FNTB: variants seen among roughly 807,000 people sequenced by gnomAD.
FNTB encodes protein farnesyltransferase subunit beta.
A neutral mutation model predicts 59.4 loss-of-function variants in FNTB; 27 were observed. That is an observed-to-expected ratio of 0.45 (90% CI 0.34 to 0.63). The LOEUF is 0.63. FNTB is among the 20% of genes least tolerant of loss of function. The pLI is 0.02. For missense variants in FNTB, 449 were observed against 559.6 expected, an observed-to-expected ratio of 0.80 and a Z score of 1.99; for synonymous variants, 230 against 220.7, an observed-to-expected ratio of 1.04 and a Z score of -0.37.
At chr14:65,057,812 A>G (rs566882780) in intron 11 of FNTB, among the ~76,000 whole-genome samples, 2 of 152,292 alleles carry the variant, frequency 1.3e-5, no homozygotes, top group South Asian at 4.1e-4. Flanking sequence ...GAAGTCTACA[A>G]CCTTTCCTGC....
chr14:65,022,728 T>A (rs948453431), intron 4 of FNTB, among the ~76,000 whole-genome samples: 1 of 152,020 alleles, frequency 6.6e-6, no homozygotes. Flanking sequence ...CCCTTTGAGG[T>A]GGAAAATGGA....
At position 65,028,180 on chromosome 14, in the gene FNTB, GA is replaced by G. The variant is rs1190260340; in HGVS notation, c.605+400del. Among the ~76,000 whole-genome samples, 2 of 152,216 alleles carry G rather than the reference GA, an allele frequency of 1.3e-5. No homozygotes were observed. The highest frequency in any genetic ancestry group is 4.8e-5 in the African/African-American group (2 of 41,450). On this transcript the variant is annotated intron_variant, in intron 6 of 11. Coordinates refer to ENST00000246166, the MANE Select transcript of FNTB (RefSeq NM_002028.4). This position sits in a 1 kb window ranked among gnomAD's most constrained non-coding sequence, Gnocchi z 4.4. ...TTCTGAGTGAATTTGATGAAATCAT[GA>G]GAATGTCTAATCCCTGAGGTCCTCC...
rs1277385203 is a variant in FNTB, at chr14:65,044,442, A to G, written c.954A>G (p.Gln318=). The part of the protein sequence containing the change: ...LPLLHRALHA[Q]GDPALSMSHW... ...TGCTCCACCGCGCACTGCACGCCCA[A>G]GGTGAGCCTGGGGAGCTGTTCACTT... The change falls in exon 9 of 12, where the codon CAA becomes CAG. Residue 318 remains glutamine, a splice_region_variant and synonymous_variant. Coordinates refer to ENST00000246166, the MANE Select transcript of FNTB (RefSeq NM_002028.4). This position sits in a 1 kb window ranked among gnomAD's most constrained non-coding sequence, Gnocchi z 5.5. The G allele has an allele frequency of 6.2e-7, 1 of 1,606,410 alleles. No homozygotes were observed. Among genetic ancestry groups the G allele is most frequent in the South Asian group, 1.1e-5 (1 of 89,690 alleles).
chr14:65,055,216 G>GA (rs2062705657), intron 11 of FNTB, among the ~76,000 whole-genome samples: 2 of 152,150 alleles, frequency 1.3e-5, no homozygotes, highest in Non-Finnish European at 2.9e-5. Flanking sequence ...CTGCTTTCCT[G>GA]AAAAAACAAT....
intron 9 of FNTB, among the ~76,000 whole-genome samples, chr14:65,050,213 C>T (rs2062575941): frequency 6.6e-6 from 1 of 152,008 alleles, no homozygotes; most frequent in Non-Finnish European, 1.5e-5. Flanking sequence ...AAAATTTCAC[C>T]CTAATTAGTA....
intron 7 of FNTB, among the ~76,000 whole-genome samples, chr14:65,033,506 G>A (rs1439379850): frequency 3.3e-5 from 5 of 152,190 alleles, no homozygotes; most frequent in Admixed American, 1.3e-4. Flanking sequence ...TCTTAGATAC[G>A]TGTATGTTCT....
chr14:65,012,226 G>A lies in FNTB; in HGVS notation c.210-91G>A. On this transcript the variant is annotated intron_variant, in intron 2 of 11. Transcript: ENST00000246166. The surrounding 1 kb of genome is among the most constrained non-coding windows in gnomAD (Gnocchi z 5.0). ...TTGCAGGGGGACGTCCTGAAGCTGA[G>A]TGTTTACCCGTGTGTGTGTACGTGC... The A allele has an allele frequency of 2.0e-6, 3 of 1,523,492 alleles. No homozygotes were observed. Among genetic ancestry groups the A allele is most frequent in the Non-Finnish European group, 2.7e-6 (3 of 1,103,412 alleles). The allele number at this position is 1,523,492 out of a possible 1,614,324, so 94.4% of individuals were successfully genotyped here. A position where few individuals can be genotyped will look rare whatever the true frequency, so the allele number is the denominator to read the frequency against.
chr14:65,016,159 C>A (rs1253046541), intron 4 of FNTB, among the ~76,000 whole-genome samples: 1 of 152,168 alleles, frequency 6.6e-6, no homozygotes, highest in Non-Finnish European at 1.5e-5. Flanking sequence ...TTGGAGCGAC[C>A]ATGTAGCTCT....
Position 65,012,327 on chromosome 14 carries a change from C to T in FNTB, c.220C>T (p.Gln74Ter), listed in dbSNP as rs1277829547. ...TGTTTGTCTTTCCAGGCTTGTTTTG[C>T]AGAGGGAGAAGCACTTCCATTATCT... ...FNHLVPRLVL[Q>*]REKHFHYLKR... Residue 74 changes from glutamine (Q) to a stop codon, truncating the protein, a stop_gained, in exon 3 of 12, where the codon CAG becomes TAG. Transcript: ENST00000246166. LOFTEE classifies it high-confidence loss of function. The surrounding 1 kb of genome is among the most constrained non-coding windows in gnomAD (Gnocchi z 5.0). 3.1e-6 allele frequency: 5 copies of T among 1,614,106 alleles called. No individual in the cohort carries two copies. The highest frequency in any genetic ancestry group is 4.2e-6 in the Non-Finnish European group (5 of 1,179,992).
chr14:65,024,466 G>A (rs1235936781), intron 4 of FNTB, among the ~76,000 whole-genome samples: 1 of 152,172 alleles, frequency 6.6e-6, no homozygotes, highest in Non-Finnish European at 1.5e-5. Flanking sequence ...CAGCAGGACT[G>A]GGTCTCTGTA....
intron 7 of FNTB, among the ~76,000 whole-genome samples, chr14:65,037,032 A>G (rs1000681881): frequency 6.6e-6 from 1 of 151,426 alleles, no homozygotes; most frequent in African/African-American, 2.4e-5. Flanking sequence ...AAGTGCATAT[A>G]CTTTAGTACC....
At chr14:65,041,043 A>G in intron 8 of FNTB, 124 bp downstream of exon 8, 1 of 1,445,810 alleles carries the variant, frequency 6.9e-7, no homozygotes, top group Non-Finnish European at 9.3e-7. Flanking sequence ...CTCTGTTCCA[A>G]CACAGAGGAA....
intron 11 of FNTB, among the ~76,000 whole-genome samples, chr14:65,059,916 C>G (rs1255017786): frequency 6.7e-6 from 1 of 150,326 alleles, no homozygotes; most frequent in African/African-American, 2.5e-5. Flanking sequence ...TCACTGCAAC[C>G]TCCGCCTCCC....
At position 64,995,362 on chromosome 14, in the gene FNTB, T is replaced by C. The variant is rs552225972; in HGVS notation, c.144+8265T>C. On this transcript the variant is annotated intron_variant, in intron 1 of 11. Coordinates refer to ENST00000246166, the MANE Select transcript of FNTB (RefSeq NM_002028.4). ...GTATAGTAAACATGTGAATTAGTAA[T>C]GTAGTTGTTTATTATCATTATCAAG... is the stretch of plus-strand genomic sequence containing the variant. 3.3e-5 allele frequency among the ~76,000 whole-genome samples: 5 copies of C among 152,324 alleles called. No homozygotes were observed. The East Asian group carries it at 5.8e-4, about 18-fold the overall frequency.
intron 1 of FNTB, among the ~76,000 whole-genome samples, chr14:65,002,951 G>A (rs540025383): frequency 6.6e-6 from 1 of 152,284 alleles, no homozygotes; most frequent in East Asian, 1.9e-4. Context: ...TGATTCTAAT[G>A]TCAGAGATCC....
In FNTB at chr14:64,990,238, T is replaced by C. The variant is rs1277067232; in HGVS notation, c.144+3141T>C. On this transcript the variant is annotated intron_variant, in intron 1 of 11. Transcript: ENST00000246166. This position sits in a 1 kb window ranked among gnomAD's most constrained non-coding sequence, Gnocchi z 5.2. ...AGCCACTTGGCTGTATACCTGCCAT[T>C]TACTGCCCCAGATTCACTTGGCCCT... Among the ~76,000 whole-genome samples, 1 of 152,216 alleles carries C rather than the reference T, an allele frequency of 6.6e-6. No homozygotes were observed. The highest frequency in any genetic ancestry group is 1.9e-4 in the East Asian group (1 of 5,202).
rs1249327524 is a variant in FNTB, at chr14:65,029,962, G to A, written c.605+2181G>A. 1.3e-5 allele frequency among the ~76,000 whole-genome samples: 2 copies of A among 152,192 alleles called. No homozygotes were observed. Among genetic ancestry groups the A allele is most frequent in the Non-Finnish European group, 2.9e-5 (2 of 68,036 alleles). On this transcript the variant is annotated intron_variant, in intron 6 of 11. Transcript: ENST00000246166. This position sits in a 1 kb window ranked among gnomAD's most constrained non-coding sequence, Gnocchi z 4.7. ...GGATTTGGGTGATGGCAGCAAGGAT[G>A]GAAAGTTAGTGGACAAATTCAAATT...
chr14:65,010,605 G>A (rs1368652700), intron 2 of FNTB, among the ~76,000 whole-genome samples: 1 of 152,170 alleles, frequency 6.6e-6, no homozygotes, highest in Non-Finnish European at 1.5e-5. Context: ...ACTTCAGTTT[G>A]TAAACACATA....
intron 9 of FNTB, among the ~76,000 whole-genome samples, chr14:65,045,316 G>T (rs895996275): frequency 6.6e-6 from 1 of 152,134 alleles, no homozygotes; most frequent in Admixed American, 6.5e-5. Context: ...TTCGGACTTA[G>T]TTGGATAATG....
Sources: allele counts gnomAD v4.1 joint callset (sites outside exome capture counted in the v4.1 genomes callset), GRCh38; gene constraint gnomAD v4.1.1; non-coding constraint Gnocchi (gnomAD v3.1); transcripts MANE v1.5; gene names NCBI Gene and HGNC (gene_info 2026-07-23, HGNC 2026-07-21).